The following WDR59 variants were observed in gnomAD, a reference collection of about 807,000 sequenced individuals.
WDR59 encodes the protein WD repeat domain 59.
Under a neutral mutation model 131.2 loss-of-function variants are expected in WDR59, and 100 were observed. That is an observed-to-expected ratio of 0.76 (90% CI 0.65 to 0.90). The LOEUF is 0.90. Ranked by LOEUF, WDR59 falls within the 40% of genes least tolerant of loss-of-function variation. The pLI is 0.00. For synonymous variants in WDR59, 601 were observed against 466.2 expected, an observed-to-expected ratio of 1.29 and a Z score of -3.72; for missense variants, 1,203 against 1,262.2, an observed-to-expected ratio of 0.95 and a Z score of 0.71.
chr16:74,970,116 T>C (rs981215519), intron 1 of WDR59, among the ~76,000 whole-genome samples: 11 of 152,098 alleles, frequency 7.2e-5, no homozygotes, highest in African/African-American at 2.7e-4. Flanking sequence ...GTAGAGATAG[T>C]GTTTCACCAT....
At chr16:74,942,486 T>G (rs1236049450) in intron 7 of WDR59, among the ~76,000 whole-genome samples, 1 of 152,146 alleles carries the variant, frequency 6.6e-6, no homozygotes, top group African/African-American at 2.4e-5. Flanking sequence ...GCTTACCTGG[T>G]GTCATAATTA....
chr16:74,898,257 G>C (rs956026196), intron 18 of WDR59, among the ~76,000 whole-genome samples: 6 of 152,158 alleles, frequency 3.9e-5, no homozygotes, highest in African/African-American at 1.4e-4. Context: ...GGGCGCCATG[G>C]TCTAAAAGCC....
chr16:74,892,356 A>G (rs1885523030), intron 20 of WDR59, 128 bp downstream of exon 20: 1 of 884,504 alleles, frequency 1.1e-6, no homozygotes, highest in Non-Finnish European at 1.7e-6. Flanking sequence ...AGACTGGCAA[A>G]GAAAATGGAA....
chr16:74,981,660 A>ATATATATATTTTTTTTTTTT (rs1567451007), intron 1 of WDR59, among the ~76,000 whole-genome samples: 1 of 80,864 alleles, frequency 1.2e-5, no homozygotes, highest in African/African-American at 7.4e-5. Flanking sequence ...ATATATATAT[A>ATATATATATTTTTTTTTTTT]TTTTTTTTTT....
At chr16:74,885,835 G>C (rs1301011149) in intron 24 of WDR59, 40 bp from the exon 25 acceptor site, 8 of 1,600,794 alleles carry the variant, frequency 5.0e-6, no homozygotes, top group South Asian at 3.4e-5. Context: ...GTTCCTTTAA[G>C]AAAAAACAAG....
At chr16:74,977,474 G>C (rs941244564) in intron 1 of WDR59, among the ~76,000 whole-genome samples, 1 of 151,890 alleles carries the variant, frequency 6.6e-6, no homozygotes, top group African/African-American at 2.4e-5. Context: ...AGATCACGAT[G>C]TCAGGAGATC....
Position 74,874,016 on chromosome 16 carries a change from A to G in WDR59, c.*193T>C, listed in dbSNP as rs115028392. Reference sequence around the variant, plus strand: ...TCTGTCCTTATCTTCACACAGTGACATCCACACCAGGTGGCCAAACAGAAG... The same window carrying G: ...TCTGTCCTTATCTTCACACAGTGACGTCCACACCAGGTGGCCAAACAGAAG... On this transcript the variant is annotated 3_prime_UTR_variant, in exon 26 of 26. Coordinates refer to ENST00000262144, the MANE Select transcript of WDR59 (RefSeq NM_030581.4). 3,401 of 593,980 alleles carry G rather than the reference A, an allele frequency of 5.7e-3. 70 individuals are homozygous for G. The highest frequency in any genetic ancestry group is 0.05 in the African/African-American group (2,712 of 53,840). 36.8% of individuals were successfully genotyped at this position (593,980 alleles called of 1,614,324 possible). A position where few individuals can be genotyped will look rare whatever the true frequency, so the allele number is the denominator to read the frequency against.
intron 1 of WDR59, among the ~76,000 whole-genome samples, chr16:74,981,660 A>ATATATTTTTTTT (rs1567451007): frequency 1.2e-5 from 1 of 80,864 alleles, no homozygotes; most frequent in Admixed American, 1.6e-4. Context: ...ATATATATAT[A>ATATATTTTTTTT]TTTTTTTTTT....
intron 3 of WDR59, among the ~76,000 whole-genome samples, chr16:74,952,609 A>G (rs1203380329): frequency 6.6e-6 from 1 of 151,906 alleles, no homozygotes; most frequent in Non-Finnish European, 1.5e-5. Flanking sequence ...AACCACAGCT[A>G]CAATAGAAAA....
intron 8 of WDR59, 137 bp from the exon 9 acceptor site, chr16:74,924,140 A>C (rs1363688663): frequency 1.3e-6 from 1 of 767,826 alleles, no homozygotes; most frequent in Non-Finnish European, 2.1e-6. Flanking sequence ...TTCAGCTCCT[A>C]TAACCACGCA....
chr16:74,923,780 T>A, intron 9 of WDR59, 146 bp downstream of exon 9: 1 of 732,052 alleles, frequency 1.4e-6, no homozygotes. Context: ...ATTTAAGCTA[T>A]CATTATCACG....
At chr16:74,885,861 C>T in intron 24 of WDR59, 66 bp from the exon 25 acceptor site, 1 of 1,575,908 alleles carries the variant, frequency 6.3e-7, no homozygotes, top group East Asian at 2.3e-5. Context: ...TCCTAAATGG[C>T]ACTTAATATA....
intron 10 of WDR59, among the ~76,000 whole-genome samples, chr16:74,921,550 G>C (rs929757276): frequency 2.0e-5 from 3 of 151,918 alleles, no homozygotes; most frequent in Non-Finnish European, 2.9e-5. Context: ...AGACAACTGA[G>C]GGTATGTAGT....
intron 14 of WDR59, among the ~76,000 whole-genome samples, chr16:74,910,771 C>G (rs1389216370): frequency 6.6e-6 from 1 of 152,138 alleles, no homozygotes; most frequent in African/African-American, 2.4e-5. Flanking sequence ...TCGCCAAGGT[C>G]TGATTTTTCC....
chr16:74,926,252 G>C (rs950800738), intron 8 of WDR59, among the ~76,000 whole-genome samples: 2 of 151,890 alleles, frequency 1.3e-5, no homozygotes, highest in Admixed American at 6.6e-5. Flanking sequence ...GTAGAGACGG[G>C]GTTTCACCAT....
intron 16 of WDR59, 106 bp downstream of exon 16, chr16:74,909,395 C>G: frequency 7.3e-7 from 1 of 1,373,226 alleles, no homozygotes; most frequent in Non-Finnish European, 9.6e-7. Context: ...TTTGAGTTCT[C>G]GGGAGTAAAA....
intron 8 of WDR59, among the ~76,000 whole-genome samples, chr16:74,926,056 T>TA (rs1208025341): frequency 0.02 from 2,248 of 113,908 alleles, 73 homozygotes; most frequent in African/African-American, 0.067. Context: ...AAAAGTCTAA[T>TA]AAATTTTTTT....
chr16:74,910,774 AT>A (rs1966046556), intron 14 of WDR59, among the ~76,000 whole-genome samples: 2 of 152,060 alleles, frequency 1.3e-5, no homozygotes, highest in Middle Eastern at 6.8e-3. Flanking sequence ...CCAAGGTCTG[AT>A]TTTTCCTTTG....
At chr16:74,974,290 G>C (rs2034099867) in intron 1 of WDR59, among the ~76,000 whole-genome samples, 1 of 152,104 alleles carries the variant, frequency 6.6e-6, no homozygotes, top group Admixed American at 6.6e-5. Flanking sequence ...ATCTTTCTGG[G>C]GCTCACACTC....
Sources: gnomAD v4.1 joint callset for allele counts (sites outside exome capture counted in the v4.1 genomes callset) on GRCh38, gnomAD v4.1.1 for gene constraint, MANE v1.5 for transcripts, NCBI Gene and HGNC (gene_info 2026-07-23, HGNC 2026-07-21) for gene names.